The following DGKB variants were observed in gnomAD, a reference collection of about 807,000 sequenced individuals.
DGKB encodes 90 kDa diacylglycerol kinase.
A neutral mutation model predicts 114.3 loss-of-function variants in DGKB; 67 were observed. The observed-to-expected ratio is 0.59, with a 90% CI of 0.48 to 0.72. The LOEUF is 0.72. Ranked by LOEUF, DGKB falls within the 30% of genes least tolerant of loss-of-function variation. The pLI, the probability that DGKB is intolerant of heterozygous loss-of-function variation, is 0.00. For missense variants in DGKB, 907 were observed against 975.2 expected (o/e 0.93, Z 0.93); for synonymous variants, 398 against 323.1 (o/e 1.23, Z -2.49).
chr7:14,732,659 A>T (rs899906978), intron 5 of DGKB, among the ~76,000 whole-genome samples: 1 of 152,158 alleles, frequency 6.6e-6, no homozygotes, highest in African/African-American at 2.4e-5. Context: ...AGTTTAATTA[A>T]TCATTGCTGC....
rs966885356 is a variant in DGKB, at chr7:14,425,467, A to T, written c.1835+52694T>A. Among the ~76,000 whole-genome samples the T allele has an allele frequency of 2.6e-5, 4 of 152,150 alleles. No individual in the cohort carries two copies. In the South Asian group the frequency reaches 6.2e-4, roughly 24 times the overall value. On this transcript the variant is annotated intron_variant, in intron 21 of 25. Coordinates refer to ENST00000402815, the MANE Select transcript of DGKB (RefSeq NM_001350709.2). The stretch of plus-strand genomic sequence containing the variant: ...ACAGGTGAAAAAAAATGCCATTTTC[A>T]TACTGAAATCAAATATAATCCTGAC...
intron 21 of DGKB, among the ~76,000 whole-genome samples, chr7:14,467,517 T>G (rs1780658857): frequency 6.6e-6 from 1 of 152,038 alleles, no homozygotes. Flanking sequence ...TAATTCTGTA[T>G]GATGTAATTA....
At chr7:14,732,481 T>C (rs2128391481) in intron 5 of DGKB, among the ~76,000 whole-genome samples, 1 of 152,220 alleles carries the variant, frequency 6.6e-6, no homozygotes, top group South Asian at 2.1e-4. Context: ...TCAAGGCTAC[T>C]TCAGCCTTGA....
chr7:14,383,393 GATC>G (rs2128687985), intron 21 of DGKB, among the ~76,000 whole-genome samples: 1 of 152,278 alleles, frequency 6.6e-6, no homozygotes, highest in Non-Finnish European at 1.5e-5. Context: ...AATCAATTAT[GATC>G]ATATTTTGCA....
chr7:14,943,926 T>C (rs995645484), intron 1 of DGKB, among the ~76,000 whole-genome samples: 3 of 151,916 alleles, frequency 2.0e-5, no homozygotes, highest in African/African-American at 7.2e-5. Context: ...TCTCTAGCAA[T>C]GGATCACTCT....
intron 23 of DGKB, among the ~76,000 whole-genome samples, chr7:14,231,805 GA>G (rs1305858353): frequency 1.3e-5 from 2 of 151,940 alleles, no homozygotes; most frequent in African/African-American, 4.8e-5. Context: ...GATTTTCGAG[GA>G]AAAGTAAGTT....
intron 2 of DGKB, among the ~76,000 whole-genome samples, chr7:14,822,896 T>C (rs1845141486): frequency 6.6e-6 from 1 of 152,072 alleles, no homozygotes; most frequent in Admixed American, 6.6e-5. Flanking sequence ...TGTTCTTTCA[T>C]CTCAGAAATC....
intron 20 of DGKB, among the ~76,000 whole-genome samples, chr7:14,484,574 A>G (rs1246137106): frequency 1.3e-5 from 2 of 152,122 alleles, no homozygotes; most frequent in East Asian, 3.9e-4. Context: ...CATGATTGTA[A>G]GCTTCCTCAG....
At chr7:14,413,858 C>T (rs893166684) in intron 21 of DGKB, among the ~76,000 whole-genome samples, 1 of 152,092 alleles carries the variant, frequency 6.6e-6, no homozygotes, top group East Asian at 1.9e-4. Flanking sequence ...GGAGGAACAA[C>T]AAAGGATATT....
chr7:14,667,214 T>C (rs561279755), intron 13 of DGKB, among the ~76,000 whole-genome samples: 24 of 151,590 alleles, frequency 1.6e-4, no homozygotes, highest in Non-Finnish European at 3.1e-4. Context: ...CTGAGAAGGG[T>C]GGTACAAATT....
At chr7:14,332,502 T>G (rs1448532302) in intron 23 of DGKB, among the ~76,000 whole-genome samples, 2 of 152,232 alleles carry the variant, frequency 1.3e-5, no homozygotes, top group African/African-American at 4.8e-5. Context: ...CTTTAGTCTT[T>G]CTGGCTTCAC....
intron 25 of DGKB, among the ~76,000 whole-genome samples, chr7:14,170,134 CAAAA>C (rs762339951): frequency 3.0e-3 from 98 of 33,046 alleles, no homozygotes; most frequent in East Asian, 4.4e-3. Context: ...AACTCCATCT[CAAAA>C]AAAAAAAAAA....
intron 1 of DGKB, among the ~76,000 whole-genome samples, chr7:14,914,346 A>G (rs1326951529): frequency 2.0e-5 from 3 of 152,184 alleles, no homozygotes; most frequent in South Asian, 2.1e-4. Flanking sequence ...CTACACGCCC[A>G]AATACTTAGA....
At chr7:14,777,844 T>C (rs1164809782) in intron 2 of DGKB, among the ~76,000 whole-genome samples, 3 of 152,230 alleles carry the variant, frequency 2.0e-5, no homozygotes, top group Non-Finnish European at 2.9e-5. Flanking sequence ...TTTTTTTCTT[T>C]TTTAATATCC....
intron 20 of DGKB, among the ~76,000 whole-genome samples, chr7:14,562,743 A>G (rs999944893): frequency 2.0e-5 from 3 of 152,172 alleles, no homozygotes; most frequent in African/African-American, 7.2e-5. Context: ...CTAGGAAGCA[A>G]TTAACTTGCC....
intron 20 of DGKB, among the ~76,000 whole-genome samples, chr7:14,546,437 A>G (rs1794294353): frequency 6.6e-6 from 1 of 152,128 alleles, no homozygotes; most frequent in African/African-American, 2.4e-5. Flanking sequence ...GAAACAACTG[A>G]GACTTGAGTA....
At chr7:14,329,533 G>A (rs111416359) in intron 23 of DGKB, among the ~76,000 whole-genome samples, 2,663 of 151,936 alleles carry the variant, frequency 0.018, 83 homozygotes, top group African/African-American at 0.06. Context: ...ATAAGTAACT[G>A]TGACTTCTGT....
At chr7:14,194,626 A>G (rs768304081) in intron 23 of DGKB, among the ~76,000 whole-genome samples, 4 of 152,114 alleles carry the variant, frequency 2.6e-5, no homozygotes, top group Non-Finnish European at 5.9e-5. Context: ...GGGTTAATAT[A>G]TGTTATATTA....
intron 20 of DGKB, among the ~76,000 whole-genome samples, chr7:14,518,759 T>G (rs1789259458): frequency 6.6e-6 from 1 of 152,052 alleles, no homozygotes; most frequent in Non-Finnish European, 1.5e-5. Flanking sequence ...AGATAAGAAT[T>G]GTTCCCAAGA....
Sources: allele counts gnomAD v4.1 joint callset (sites outside exome capture counted in the v4.1 genomes callset), GRCh38; gene constraint gnomAD v4.1.1; transcripts MANE v1.5; gene names NCBI Gene and HGNC (gene_info 2026-07-23, HGNC 2026-07-21).